SEH1L: variants seen among roughly 807,000 people sequenced by gnomAD.
SEH1L encodes SEH1 like nucleoporin.
A neutral mutation model predicts 49.5 loss-of-function variants in SEH1L; 18 were observed. That is an observed-to-expected ratio of 0.36 (90% CI 0.25 to 0.54). The LOEUF is 0.54. SEH1L is among the 20% of genes least tolerant of loss of function. SEH1L has a pLI of 0.87. For missense variants in SEH1L, 404 were observed against 528.8 expected (o/e 0.76, Z 2.31); for synonymous variants, 169 against 178.1 (o/e 0.95, Z 0.41).
chr18:12,985,281 T>C (rs1415597950), intron 8 of SEH1L: 2 of 1,606,030 alleles, frequency 1.2e-6, no homozygotes, highest in East Asian at 2.2e-5. Flanking sequence ...AACTTTGCTG[T>C]TTTGCTGCTT....
At position 12,987,240 on chromosome 18, in the gene SEH1L, A is replaced by G. The variant is rs1050081548; in HGVS notation, c.*183A>G. On this transcript the variant is annotated 3_prime_UTR_variant, in exon 9 of 9. Transcript: ENST00000399892. ...GTTTGTGCGTCTGCATCAAAGGAAC[A>G]TTTGCTTCACTGGGTGATAACCTTT... 2.2e-6 allele frequency: 1 copy of G among 447,362 alleles called. No individual in the cohort carries two copies. The highest frequency in any genetic ancestry group is 3.5e-5 in the East Asian group (1 of 28,338). The allele number at this position is 447,362 out of a possible 1,614,324, so 27.7% of individuals were successfully genotyped here.
chr18:12,951,095 C>A (rs1598937890), intron 1 of SEH1L, among the ~76,000 whole-genome samples: 2 of 152,288 alleles, frequency 1.3e-5, no homozygotes, highest in South Asian at 4.1e-4. Flanking sequence ...CCCCAAAAGT[C>A]ACACTGGTTT....
At chr18:12,981,389 G>A (rs1412127692) in intron 6 of SEH1L, among the ~76,000 whole-genome samples, 10 of 152,144 alleles carry the variant, frequency 6.6e-5, no homozygotes, top group African/African-American at 2.4e-4. Context: ...CCGAGATCAC[G>A]CCACTGCACT....
At chr18:12,951,129 G>A (rs1044102880) in intron 1 of SEH1L, among the ~76,000 whole-genome samples, 3 of 152,192 alleles carry the variant, frequency 2.0e-5, no homozygotes, top group African/African-American at 7.2e-5. Flanking sequence ...GCATGTGTGA[G>A]GAGTGGTGAA....
intron 1 of SEH1L, among the ~76,000 whole-genome samples, chr18:12,950,161 G>C (rs1351578620): frequency 6.6e-6 from 1 of 151,862 alleles, no homozygotes; most frequent in Non-Finnish European, 1.5e-5. Context: ...AGCCTCTCCA[G>C]TAGCTGGGAC....
At chr18:12,967,610 G>C (rs574708732) in intron 4 of SEH1L, among the ~76,000 whole-genome samples, 1 of 152,272 alleles carries the variant, frequency 6.6e-6, no homozygotes, top group African/African-American at 2.4e-5. Flanking sequence ...TGCACCTGCC[G>C]ATGAATGACC....
At position 12,982,662 on chromosome 18, in the gene SEH1L, A is replaced by T; in HGVS notation, c.906A>T (p.Val302=). 1 of 1,608,750 alleles carries T rather than the reference A, an allele frequency of 6.2e-7. No individual in the cohort carries two copies. The highest frequency in any genetic ancestry group is 8.5e-7 in the Non-Finnish European group (1 of 1,177,446). The part of the protein sequence containing the change: ...VLASSGDDGC[V]RLWKANYMDN... ...CATCTTCAGGAGATGATGGGTGTGT[A>T]AGATTGTGGAAAGGTAAGAGTTCAG... The change falls in exon 7 of 9, where the codon GTA becomes GTT. Residue 302 remains valine (V), a synonymous_variant. Transcript: ENST00000399892.
At position 12,963,382 on chromosome 18, in the gene SEH1L, A is replaced by G. The variant is rs1238778791; in HGVS notation, c.521+11A>G. ...TTGGAACCCTTCAAGGTAAGTTTAC[A>G]TATTAAACCTCTGATAACATCCTAG... On this transcript the variant is annotated intron_variant, in intron 4 of 8. Transcript: ENST00000399892. 6.3e-7 allele frequency: 1 copy of G among 1,593,076 alleles called. No homozygotes were observed. Among genetic ancestry groups the G allele is most frequent in the Non-Finnish European group, 8.6e-7 (1 of 1,161,208 alleles).
intron 5 of SEH1L, 74 bp from the exon 6 acceptor site, chr18:12,978,674 AAAAG>A (rs776822220): frequency 4.0e-5 from 50 of 1,234,730 alleles, no homozygotes; most frequent in Non-Finnish European, 5.4e-5. Flanking sequence ...CAGTGTGAAA[AAAAG>A]GTGAGATGCA....
chr18:12,956,427 T>C (rs1568211776), intron 3 of SEH1L, among the ~76,000 whole-genome samples: 1 of 147,640 alleles, frequency 6.8e-6, no homozygotes, highest in African/African-American at 2.5e-5. Flanking sequence ...TCACACGCCA[T>C]ACAGATCCAC....
intron 3 of SEH1L, among the ~76,000 whole-genome samples, chr18:12,961,636 T>C (rs2031181779): frequency 1.3e-5 from 2 of 152,240 alleles, no homozygotes; most frequent in South Asian, 2.1e-4. Context: ...TTGGTAACCA[T>C]AGACAGTAAT....
intron 4 of SEH1L, chr18:12,964,338 G>T (rs1220136166): frequency 1.3e-5 from 2 of 151,838 alleles, no homozygotes; most frequent in Non-Finnish European, 2.9e-5. Context: ...TATTTTTAAA[G>T]GATTTACTTA....
At chr18:12,957,343 G>C (rs911915942) in intron 3 of SEH1L, among the ~76,000 whole-genome samples, 1 of 151,906 alleles carries the variant, frequency 6.6e-6, no homozygotes, top group Non-Finnish European at 1.5e-5. Flanking sequence ...CAGGAGAATC[G>C]CTTGAACCCG....
At chr18:12,958,053 C>T (rs2030979486) in intron 3 of SEH1L, among the ~76,000 whole-genome samples, 1 of 138,776 alleles carries the variant, frequency 7.2e-6, no homozygotes, top group South Asian at 2.3e-4. Context: ...ACATAATATT[C>T]CTCATTTTAA....
intron 5 of SEH1L, chr18:12,976,978 A>G (rs1448170912): frequency 2.6e-5 from 4 of 151,188 alleles, no homozygotes; most frequent in African/African-American, 9.7e-5. Context: ...TCTGTCTCAA[A>G]AAAAAAAAAA....
intron 4 of SEH1L, among the ~76,000 whole-genome samples, chr18:12,966,612 G>T (rs1368637984): frequency 6.6e-6 from 1 of 152,074 alleles, no homozygotes; most frequent in East Asian, 1.9e-4. Flanking sequence ...TTGTTGCCCA[G>T]AATGGTGTTG....
chr18:12,982,813 GA>G (rs2145670137), intron 7 of SEH1L, 138 bp downstream of exon 7: 1 of 670,266 alleles, frequency 1.5e-6, no homozygotes, highest in East Asian at 2.9e-5. Flanking sequence ...ATGTTATTTT[GA>G]ACATCAGTTT....
At chr18:12,979,588 C>T in intron 6 of SEH1L, among the ~76,000 whole-genome samples, 1 of 152,168 alleles carries the variant, frequency 6.6e-6, no homozygotes, top group East Asian at 1.9e-4. Flanking sequence ...GTTGAGTACA[C>T]CTCCCAGACG....
intron 8 of SEH1L, 170 bp from the exon 9 acceptor site, chr18:12,986,692 T>G: frequency 7.8e-7 from 1 of 1,278,960 alleles, no homozygotes. Context: ...TTTGTGCTAT[T>G]ATGTTCTGTT....
Sources: allele counts gnomAD v4.1 joint callset (sites outside exome capture counted in the v4.1 genomes callset), GRCh38; gene constraint gnomAD v4.1.1; transcripts MANE v1.5; gene names NCBI Gene and HGNC (gene_info 2026-07-23, HGNC 2026-07-21).